Variants in CAPNS1 observed in about 807,000 individuals in gnomAD.
The protein encoded by CAPNS1 is calpain small subunit 1.
A neutral mutation model predicts 39.2 loss-of-function variants in CAPNS1; 32 were observed. The observed-to-expected ratio is 0.82, with a 90% CI of 0.62 to 1.10. The LOEUF (loss-of-function observed/expected upper bound fraction) is 1.10, where lower values mean the gene tolerates loss of function less well. Among genes scored for constraint, CAPNS1 ranks in the 50% least tolerant of loss-of-function variants. The pLI, the probability that CAPNS1 is intolerant of heterozygous loss-of-function variation, is 0.00. For synonymous variants in CAPNS1, 153 were observed against 136.2 expected (o/e 1.12, Z -0.86); for missense variants, 353 against 373.1 (o/e 0.95, Z 0.44).
rs978344509 is a variant in CAPNS1 at position 36,142,982 on chromosome 19, T to G, written c.391+16T>G. On this transcript the variant is annotated intron_variant, in intron 5 of 10. Transcript: ENST00000246533. ...GTGACACGACGTAAGTGACCGGGGT[T>G]AAGGAATAGGGTAGATTCAGAGGCA... is the stretch of plus-strand genomic sequence containing the variant. 1.2e-6 allele frequency: 2 copies of G among 1,614,120 alleles called. No individual in the cohort carries two copies. Among genetic ancestry groups the G allele is most frequent in the African/African-American group, 1.3e-5 (1 of 75,036 alleles).
chr19:36,143,732 G>A (rs1479281545), intron 6 of CAPNS1, among the ~76,000 whole-genome samples: 1 of 149,844 alleles, frequency 6.7e-6, no homozygotes, highest in Non-Finnish European at 1.5e-5. Context: ...GCGTAGTGGC[G>A]GGCGCCTGTA....
intron 2 of CAPNS1, chr19:36,141,462 C>T: frequency 7.7e-6 from 10 of 1,290,778 alleles, no homozygotes; most frequent in Non-Finnish European, 9.8e-6. Context: ...TGTGTGGGAC[C>T]AGGACAATGT....
Position 36,142,665 on chromosome 19 carries a change from A to C in CAPNS1, c.257A>C (p.His86Pro), listed in dbSNP as rs1184572865. The C allele has an allele frequency of 2.5e-6, 4 of 1,613,896 alleles. No homozygotes were observed. The South Asian group carries it at 4.4e-5, about 18-fold the overall frequency. The change falls in exon 4 of 11, where the codon CAT (histidine) becomes CCT (proline). Residue 86 changes from histidine to proline, a missense_variant. His to Pro is a moderately conservative substitution (Grantham distance 77, BLOSUM62 -2). Transcript: ENST00000246533. ...YNPEPPPPRTHYSNIEANESE... is the reference protein window; with the variant it reads ...YNPEPPPPRTPYSNIEANESE... The stretch of plus-strand genomic sequence containing the variant: ...CTCCCTTTGCAGCCCCCACGCACAC[A>C]TTACTCCAACATTGAGGCCAACGAG...
At chr19:36,146,613 G>A (rs1012448827) in intron 9 of CAPNS1, among the ~76,000 whole-genome samples, 5 of 152,274 alleles carry the variant, frequency 3.3e-5, no homozygotes, top group Admixed American at 6.5e-5. Context: ...TGAGCAGAGC[G>A]TGCTCAGATT....
At chr19:36,144,178 A>C (rs893982169) in intron 6 of CAPNS1, 3 of 144,328 alleles carry the variant, frequency 2.1e-5, no homozygotes, top group African/African-American at 7.4e-5. Flanking sequence ...CTCCGTCTCA[A>C]AAAAAAAAAA....
chr19:36,141,874 G>T (rs1974387259), intron 2 of CAPNS1, among the ~76,000 whole-genome samples: 1 of 152,168 alleles, frequency 6.6e-6, no homozygotes. Context: ...AGCGGGCCAT[G>T]GAGTAGGGTC....
At chr19:36,142,594 G>C in intron 3 of CAPNS1, 58 bp from the exon 4 acceptor site, 2 of 1,444,788 alleles carry the variant, frequency 1.4e-6, no homozygotes, top group East Asian at 2.3e-5. Context: ...ACCTGGGTTT[G>C]GGGAGCCGTC....
intron 9 of CAPNS1, among the ~76,000 whole-genome samples, chr19:36,147,044 C>T (rs1324751050): frequency 6.6e-6 from 1 of 152,002 alleles, no homozygotes; most frequent in African/African-American, 2.4e-5. Flanking sequence ...CAGGGTCTTG[C>T]TATGTTGCCC....
At chr19:36,149,740 G>A (rs17879464) in intron 10 of CAPNS1, 73 bp from the exon 11 acceptor site, 55,231 of 1,589,590 alleles carry the variant, frequency 0.035, 1,149 homozygotes, top group Non-Finnish European at 0.038. Context: ...TTTGCCAGCC[G>A]TCCCTGGGTG....
rs770259714 is a variant in CAPNS1 at position 36,146,284 on chromosome 19, C to T, written c.693C>T (p.Ser231=). The T allele has an allele frequency of 3.1e-6, 5 of 1,613,444 alleles. No individual in the cohort carries two copies. In the South Asian group the frequency reaches 4.4e-5, roughly 14 times the overall value. Residue 231 remains serine, a synonymous_variant, in exon 9 of 11, where the codon AGC becomes AGT. Transcript: ENST00000246533. ...SGNMDFDNFI[S]CLVRLDAMFR... is the part of the protein sequence containing the mutation. ...ACATGGATTTTGACAACTTCATCAG[C>T]TGCTTGGTCAGGCTGGACGCCATGT...
chr19:36,145,549 G>A (rs1275061168), intron 6 of CAPNS1: 4 of 432,708 alleles, frequency 9.2e-6, no homozygotes. Flanking sequence ...TTCAGGCAAG[G>A]AATTTGTACT....
chr19:36,144,412 T>C (rs770787057), intron 6 of CAPNS1, among the ~76,000 whole-genome samples: 4 of 151,450 alleles, frequency 2.6e-5, no homozygotes, highest in African/African-American at 4.8e-5. Flanking sequence ...CATGCGCATA[T>C]ACACACACAC....
intron 6 of CAPNS1, among the ~76,000 whole-genome samples, chr19:36,144,877 A>C (rs1244375216): frequency 6.6e-6 from 1 of 152,238 alleles, no homozygotes; most frequent in Non-Finnish European, 1.5e-5. Flanking sequence ...AACTACATCC[A>C]AAAGGTTTAG....
chr19:36,141,533 TGCATTG>T, intron 2 of CAPNS1: 1 of 1,195,572 alleles, frequency 8.4e-7, no homozygotes, highest in Non-Finnish European at 1.0e-6. Flanking sequence ...GGGCTCAGCC[TGCATTG>T]GCTAACCTGG....
intron 10 of CAPNS1, 53 bp from the exon 11 acceptor site, chr19:36,149,760 G>A: frequency 6.3e-7 from 1 of 1,583,886 alleles, no homozygotes; most frequent in Non-Finnish European, 8.6e-7. Context: ...GAGGGCAAAG[G>A]GGCTGGTGCT....
At chr19:36,145,620 G>C in intron 6 of CAPNS1, 186 bp from the exon 7 acceptor site, 1 of 574,592 alleles carries the variant, frequency 1.7e-6, no homozygotes, top group Non-Finnish European at 3.2e-6. Flanking sequence ...ATTTAGAAAT[G>C]TAAGTGACAA....
intron 9 of CAPNS1, 112 bp downstream of exon 9, chr19:36,146,424 T>C (rs906011267): frequency 1.2e-5 from 9 of 750,150 alleles, no homozygotes; most frequent in African/African-American, 1.0e-4. Flanking sequence ...ACAGTGGTGA[T>C]TGAATCAGTT....
chr19:36,144,960 C>G (rs1322238902), intron 6 of CAPNS1, among the ~76,000 whole-genome samples: 2 of 152,132 alleles, frequency 1.3e-5, no homozygotes, highest in Admixed American at 1.3e-4. Flanking sequence ...GAGTTTTCAG[C>G]TTTGAATGTT....
chr19:36,144,115 T>C (rs1430188014), intron 6 of CAPNS1: 1 of 141,582 alleles, frequency 7.1e-6, no homozygotes, highest in Non-Finnish European at 1.5e-5. Flanking sequence ...GGCGGAGCTT[T>C]GCAGTGAGCC....
Sources: allele counts gnomAD v4.1 joint callset (sites outside exome capture counted in the v4.1 genomes callset), GRCh38; gene constraint gnomAD v4.1.1; transcripts MANE v1.5; gene names NCBI Gene and HGNC (gene_info 2026-07-23, HGNC 2026-07-21).